The following FAAH2 variants were observed in gnomAD, a reference collection of about 807,000 sequenced individuals.
FAAH2 encodes the protein fatty-acid amide hydrolase 2.
A neutral mutation model predicts 36.9 loss-of-function variants in FAAH2; 60 were observed. That is an observed-to-expected ratio of 1.63 (90% CI 1.32 to 2.02). The LOEUF (loss-of-function observed/expected upper bound fraction) is 2.02, where lower values mean the gene tolerates loss of function less well. Among genes scored for constraint, FAAH2 ranks in the 30% most tolerant of loss-of-function variants. The pLI is 0.00. For missense variants in FAAH2, 689 were observed against 397.5 expected (o/e 1.73, Z -6.23); for synonymous variants, 214 against 143.8 (o/e 1.49, Z -3.49).
chrX:57,284,869 G>A (rs1187706912), upstream of FAAH2, among the ~76,000 whole-genome samples: 1 of 111,843 alleles, frequency 8.9e-6, no homozygotes, highest in Admixed American at 9.5e-5. Context: ...TAAGTGATTT[G>A]TTCAAGGTCA....
At chrX:57,142,205 T>G in the FAAH2 span, among the ~76,000 whole-genome samples, 1 of 112,319 alleles carries the variant, frequency 8.9e-6, no homozygotes. Context: ...GGTTGTTTAT[T>G]TGAAGTTTTT....
the FAAH2 span, among the ~76,000 whole-genome samples, chrX:57,196,873 G>A: frequency 9.0e-6 from 1 of 111,196 alleles, no homozygotes; most frequent in South Asian, 3.8e-4. Context: ...ATCTTTTTCA[G>A]TGAATTTCCT....
chrX:57,448,242 A>T (rs2056719745), intron 9 of FAAH2, among the ~76,000 whole-genome samples: 1 of 112,320 alleles, frequency 8.9e-6, no homozygotes, highest in Non-Finnish European at 1.9e-5. Context: ...AAGTGCTGGG[A>T]TTACAGACAT....
intron 8 of FAAH2, among the ~76,000 whole-genome samples, chrX:57,440,583 T>C (rs778552114): frequency 1.8e-5 from 2 of 111,535 alleles, no homozygotes; most frequent in Non-Finnish European, 3.8e-5. Context: ...ACTAATTGAA[T>C]ATTCTTTATT....
At chrX:57,307,231 T>C (rs1477513978) in intron 2 of FAAH2, among the ~76,000 whole-genome samples, 1 of 106,985 alleles carries the variant, frequency 9.3e-6, no homozygotes, top group Non-Finnish European at 1.9e-5. Context: ...GAAGCATTAG[T>C]AGTATCAGTG....
chrX:57,319,666 A>G (rs1423699402), intron 3 of FAAH2, among the ~76,000 whole-genome samples: 1 of 112,243 alleles, frequency 8.9e-6, no homozygotes, highest in East Asian at 2.8e-4. Flanking sequence ...ATTGGGAAAA[A>G]CTACTTTAAA....
chrX:57,412,789 G>A (rs1446781851), intron 7 of FAAH2, among the ~76,000 whole-genome samples: 1 of 111,526 alleles, frequency 9.0e-6, no homozygotes, highest in Admixed American at 9.5e-5. Flanking sequence ...GATCCTCGAG[G>A]AATCACCACA....
At chrX:57,316,950 C>T (rs2052857618) in intron 3 of FAAH2, among the ~76,000 whole-genome samples, 1 of 111,585 alleles carries the variant, frequency 9.0e-6, no homozygotes, top group Non-Finnish European at 1.9e-5. Context: ...AATAAACAGG[C>T]AACCTACAGA....
chrX:57,449,732 G>A (rs899024812), intron 10 of FAAH2, among the ~76,000 whole-genome samples: 2 of 110,294 alleles, frequency 1.8e-5, no homozygotes, highest in African/African-American at 6.6e-5. Flanking sequence ...AATGGCACAA[G>A]CTCGGCTCAC....
the FAAH2 span, among the ~76,000 whole-genome samples, chrX:57,262,615 TG>T: frequency 2.7e-5 from 3 of 111,633 alleles, no homozygotes; most frequent in African/African-American, 9.7e-5. Context: ...ACTAATTGTA[TG>T]AAGGTAGTAT....
chrX:57,392,738 TA>T, intron 7 of FAAH2: 1 of 613,207 alleles, frequency 1.6e-6, no homozygotes, highest in South Asian at 2.2e-5. Context: ...TCGTTCCTAC[TA>T]AAGGGTACAG....
the FAAH2 span, among the ~76,000 whole-genome samples, chrX:57,247,215 A>G: frequency 9.0e-6 from 1 of 111,447 alleles, no homozygotes; most frequent in Non-Finnish European, 1.9e-5. Context: ...GCTCTGAGGG[A>G]AAAGAACAGA....
intron 7 of FAAH2, among the ~76,000 whole-genome samples, chrX:57,396,843 C>T (rs1442676623): frequency 8.9e-6 from 1 of 111,780 alleles, no homozygotes; most frequent in Non-Finnish European, 1.9e-5. Context: ...GTGTAAATAT[C>T]TATGCGGTTC....
chrX:57,240,935 T>G, the FAAH2 span, among the ~76,000 whole-genome samples: 1 of 112,135 alleles, frequency 8.9e-6, no homozygotes, highest in African/African-American at 3.2e-5. Context: ...AACCCTATTC[T>G]GTACAGGACT....
intron 8 of FAAH2, among the ~76,000 whole-genome samples, chrX:57,433,030 C>T (rs1413071159): frequency 9.1e-6 from 1 of 109,727 alleles, no homozygotes; most frequent in Non-Finnish European, 1.9e-5. Context: ...TGCAGAAACA[C>T]TTTGGAAATC....
At chrX:57,180,044 C>T in the FAAH2 span, among the ~76,000 whole-genome samples, 5 of 111,633 alleles carry the variant, frequency 4.5e-5, no homozygotes, top group Non-Finnish European at 9.4e-5. Context: ...TTAGGCAGGT[C>T]GCAAGAAGTT....
At chrX:57,200,839 T>G in the FAAH2 span, among the ~76,000 whole-genome samples, 1 of 111,800 alleles carries the variant, frequency 8.9e-6, no homozygotes, top group African/African-American at 3.2e-5. Flanking sequence ...ATTTTTCTTT[T>G]TACTTACCAT....
At chrX:57,288,526 T>A (rs1018138149) in intron 1 of FAAH2, among the ~76,000 whole-genome samples, 1 of 107,623 alleles carries the variant, frequency 9.3e-6, no homozygotes, top group African/African-American at 3.4e-5. Flanking sequence ...ATATTTCGTA[T>A]TTTTTAGTAG....
chrX:57,153,820 C>T, the FAAH2 span, among the ~76,000 whole-genome samples: 74 of 112,603 alleles, frequency 6.6e-4, no homozygotes, highest in African/African-American at 2.3e-3. Context: ...CTCAGATAAC[C>T]TGAGGACAAT....
Sources: gnomAD v4.1 joint callset for allele counts (sites outside exome capture counted in the v4.1 genomes callset) on GRCh38, gnomAD v4.1.1 for gene constraint, MANE v1.5 for transcripts, NCBI Gene and HGNC (gene_info 2026-07-23, HGNC 2026-07-21) for gene names.